Variants in DLG2 observed in about 807,000 individuals in gnomAD.
DLG2 encodes the protein discs large MAGUK scaffold protein 2, also known as disks large homolog 2.
A neutral mutation model predicts 132.5 loss-of-function variants in DLG2; 45 were observed. The observed-to-expected ratio is 0.34, with a 90% CI of 0.27 to 0.44. DLG2 has a LOEUF of 0.44. Among genes scored for constraint, DLG2 ranks in the 20% least tolerant of loss-of-function variants. The pLI, the probability that DLG2 is intolerant of heterozygous loss-of-function variation, is 1.00. For missense variants in DLG2, 1,045 were observed against 1,196.9 expected, an observed-to-expected ratio of 0.87 and a Z score of 1.87; for synonymous variants, 424 against 419.6, an observed-to-expected ratio of 1.01 and a Z score of -0.13.
At chr11:85,099,159 C>T (rs568063324) in intron 6 of DLG2, among the ~76,000 whole-genome samples, 17 of 152,218 alleles carry the variant, frequency 1.1e-4, no homozygotes, top group Non-Finnish European at 1.8e-4. Context: ...AGAGCTCCTG[C>T]GTAGCTGGAG....
intron 7 of DLG2, among the ~76,000 whole-genome samples, chr11:84,307,867 C>T (rs972266494): frequency 6.6e-6 from 1 of 151,638 alleles, no homozygotes; most frequent in Non-Finnish European, 1.5e-5. Flanking sequence ...CGGACCTTCG[C>T]GGTGAGTGTT....
chr11:83,805,470 T>C (rs1225560688), intron 17 of DLG2, among the ~76,000 whole-genome samples: 1 of 151,990 alleles, frequency 6.6e-6, no homozygotes, highest in Non-Finnish European at 1.5e-5. Flanking sequence ...TTCTTTTTGA[T>C]ATATCATATA....
chr11:83,755,365 GCAA>G (rs2093603144), intron 18 of DLG2, among the ~76,000 whole-genome samples: 1 of 150,952 alleles, frequency 6.6e-6, no homozygotes, highest in African/African-American at 2.5e-5. Context: ...ATGTCCACAA[GCAA>G]ACGGCAAAAA....
At chr11:83,727,820 T>C (rs1306274391) in intron 18 of DLG2, among the ~76,000 whole-genome samples, 1 of 152,214 alleles carries the variant, frequency 6.6e-6, no homozygotes, top group Non-Finnish European at 1.5e-5. Flanking sequence ...GGCTTTTTCA[T>C]CTATCAAACT....
rs144428569 is a variant in DLG2 at position 85,362,040 on chromosome 11, G to A, written c.41-76675C>T. The stretch of plus-strand genomic sequence containing the variant: ...GCTGGAGTGCAGTGGTGCAATCATG[G>A]CTCACTGCAGCCTCGACCTCCCAGG... On this transcript the variant is annotated intron_variant, in intron 3 of 27. Transcript: ENST00000376104. 7.4e-4 allele frequency among the ~76,000 whole-genome samples: 112 copies of A among 152,250 alleles called. 1 individual carries two copies. Among genetic ancestry groups the A allele is most frequent in the African/African-American group, 2.5e-3 (103 of 41,554 alleles).
intron 7 of DLG2, among the ~76,000 whole-genome samples, chr11:84,291,232 T>C (rs2097991113): frequency 6.6e-6 from 1 of 152,098 alleles, no homozygotes; most frequent in Admixed American, 6.5e-5. Context: ...AGCTTAGATA[T>C]ATAAAAGAAA....
chr11:85,087,844 C>CAAAAAAAA (rs71465019), intron 6 of DLG2, among the ~76,000 whole-genome samples: 1 of 22,062 alleles, frequency 4.5e-5, no homozygotes, highest in Non-Finnish European at 1.1e-4. Context: ...GACTCCGTCT[C>CAAAAAAAA]AAAAAAAAAA....
intron 6 of DLG2, among the ~76,000 whole-genome samples, chr11:84,857,994 G>A (rs953341856): frequency 6.6e-6 from 1 of 151,744 alleles, no homozygotes; most frequent in Non-Finnish European, 1.5e-5. Flanking sequence ...CCAGACTCAA[G>A]CTATCCACCT....
chr11:83,842,015 T>A lies in DLG2; in HGVS notation c.1566-8245A>T, dbSNP rs539017615. On this transcript the variant is annotated intron_variant, in intron 16 of 27. Transcript: ENST00000376104. ...TTCTTCTTAAAAGGTATTATTCTTT[T>A]ACCATCATCACTTAGATGAAATGTG... Among the ~76,000 whole-genome samples, 133 of 152,368 alleles carry A rather than the reference T, an allele frequency of 8.7e-4. 1 individual carries two copies. Among genetic ancestry groups the A allele is most frequent in the African/African-American group, 3.0e-3 (126 of 41,586 alleles).
intron 3 of DLG2, among the ~76,000 whole-genome samples, chr11:85,551,056 C>A (rs1377376888): frequency 2.0e-5 from 3 of 152,146 alleles, no homozygotes; most frequent in African/African-American, 4.8e-5. Context: ...AATCCTGACA[C>A]CATTATCAAA....
At chr11:85,013,153 T>C (rs532987112) in intron 6 of DLG2, among the ~76,000 whole-genome samples, 105 of 152,336 alleles carry the variant, frequency 6.9e-4, no homozygotes, top group African/African-American at 2.5e-3. Flanking sequence ...CCTATTGAGA[T>C]GCAGAGTCTA....
chr11:84,144,091 C>G (rs949754770), intron 9 of DLG2, among the ~76,000 whole-genome samples: 4 of 152,160 alleles, frequency 2.6e-5, no homozygotes, highest in Non-Finnish European at 5.9e-5. Context: ...GGGCCCTATG[C>G]AGTTTCCTAA....
intron 6 of DLG2, among the ~76,000 whole-genome samples, chr11:84,906,020 C>T (rs1397197545): frequency 6.6e-6 from 1 of 152,042 alleles, no homozygotes; most frequent in Admixed American, 6.6e-5. Context: ...CTAGTTTAAA[C>T]TAAGATTCCT....
chr11:84,521,164 G>T (rs1323710512), intron 7 of DLG2, among the ~76,000 whole-genome samples: 1 of 152,166 alleles, frequency 6.6e-6, no homozygotes, highest in African/African-American at 2.4e-5. Flanking sequence ...GGAGAGATTT[G>T]GGATGAAGAG....
chr11:84,871,461 T>C (rs899275847), intron 6 of DLG2, among the ~76,000 whole-genome samples: 1 of 152,164 alleles, frequency 6.6e-6, no homozygotes, highest in Non-Finnish European at 1.5e-5. Context: ...ATTTGTAACA[T>C]AGGCTTTTTG....
intron 7 of DLG2, among the ~76,000 whole-genome samples, chr11:84,255,551 T>C (rs1194655351): frequency 6.6e-6 from 1 of 152,102 alleles, no homozygotes; most frequent in Non-Finnish European, 1.5e-5. Context: ...CTCAAACTCC[T>C]GACCTCATGT....
chr11:84,131,323 T>C (rs1377730481), intron 9 of DLG2, among the ~76,000 whole-genome samples: 1 of 152,006 alleles, frequency 6.6e-6, no homozygotes, highest in African/African-American at 2.4e-5. Context: ...TAATGGTAAA[T>C]ATGCCATAGC....
rs2154505461 is a variant in DLG2, at chr11:84,502,257, TC to T, written c.519+32312del. On this transcript the variant is annotated intron_variant, in intron 7 of 27. Coordinates refer to ENST00000376104, the MANE Select transcript of DLG2 (RefSeq NM_001142699.3). The stretch of plus-strand genomic sequence containing the variant: ...TTCCTTCCTTCCTTCCTTCCTTCCT[TC>T]CTTCCTTCCTTCCTTCCTTCCTTCT... Among the ~76,000 whole-genome samples the T allele has an allele frequency of 3.8e-5, 2 of 53,102 alleles. 1 individual carries two copies. Among genetic ancestry groups the T allele is most frequent in the African/African-American group, 4.4e-4 (2 of 4,540 alleles). The allele number at this position is 53,102 out of a possible 152,430, so 34.8% of individuals were successfully genotyped here.
At chr11:85,048,135 AATT>A (rs1487005053) in intron 6 of DLG2, among the ~76,000 whole-genome samples, 5 of 151,982 alleles carry the variant, frequency 3.3e-5, no homozygotes, top group African/African-American at 7.2e-5. Context: ...GACACAAAGC[AATT>A]ATTTCATGAT....
Sources: allele counts gnomAD v4.1 joint callset (sites outside exome capture counted in the v4.1 genomes callset), GRCh38; gene constraint gnomAD v4.1.1; transcripts MANE v1.5; gene names NCBI Gene and HGNC (gene_info 2026-07-23, HGNC 2026-07-21).